The following NRK variants were observed in gnomAD, a reference collection of about 807,000 sequenced individuals.
NRK encodes the protein nik-related protein kinase.
Under a neutral mutation model 125.2 loss-of-function variants are expected in NRK, and 67 were observed. The ratio of observed to expected loss-of-function variants is 0.54; its 90% CI spans 0.44 to 0.66. NRK has a LOEUF of 0.66. Among genes scored for constraint, NRK ranks in the 30% least tolerant of loss-of-function variants. The pLI is 0.00. For synonymous variants in NRK, 458 were observed against 429.0 expected (o/e 1.07, Z -0.84); for missense variants, 1,224 against 1,192.9 (o/e 1.03, Z -0.38).
At chrX:105,831,567 G>T (rs1238544266) in intron 2 of NRK, among the ~76,000 whole-genome samples, 2 of 111,886 alleles carry the variant, frequency 1.8e-5, no homozygotes, top group Non-Finnish European at 3.8e-5. Flanking sequence ...AATCTAACAA[G>T]AAAAAATCTG....
At chrX:105,920,115 T>A (rs1175216646) in intron 16 of NRK, among the ~76,000 whole-genome samples, 1 of 104,669 alleles carries the variant, frequency 9.6e-6, no homozygotes, top group African/African-American at 3.6e-5. Flanking sequence ...TACATATGGC[T>A]AGCCAGTTTT....
In NRK at chrX:105,924,794, T is replaced by C. The variant is rs755131827; in HGVS notation, c.3075T>C (p.Asn1025=). 1.7e-6 allele frequency: 2 copies of C among 1,209,507 alleles called. No homozygotes were observed. Among genetic ancestry groups the C allele is most frequent in the Non-Finnish European group, 2.2e-6 (2 of 894,326 alleles). Residue 1025 remains asparagine, a synonymous_variant, in exon 19 of 29, where the codon AAT becomes AAC. Coordinates refer to ENST00000243300, the MANE Select transcript of NRK (RefSeq NM_198465.4). ...AYRGYGSHTA[N]RSHGGSAASE... ...GAGGCTATGGAAGCCATACAGCCAATAGAAGCCATGGAGGAAGTGCAGCCA... is the reference window on the plus strand; with the variant it reads ...GAGGCTATGGAAGCCATACAGCCAACAGAAGCCATGGAGGAAGTGCAGCCA...
At chrX:105,826,038 G>GTCTC (rs200199183) in intron 1 of NRK, among the ~76,000 whole-genome samples, 23 of 93,480 alleles carry the variant, frequency 2.5e-4, no homozygotes, top group African/African-American at 7.9e-4. Context: ...CTCTGTCTCC[G>GTCTC]TCTCTCTCTC....
chrX:105,907,814 T>C (rs1160815283), intron 11 of NRK: 1 of 113,018 alleles, frequency 8.8e-6, no homozygotes, highest in Non-Finnish European at 1.9e-5. Context: ...GTGTTTAGTG[T>C]AAAACACAGA....
intron 2 of NRK, among the ~76,000 whole-genome samples, chrX:105,834,432 A>T (rs752660401): frequency 1.8e-5 from 2 of 108,824 alleles, no homozygotes; most frequent in Non-Finnish European, 3.8e-5. Context: ...TTAAATATGA[A>T]ATGTCTGGAG....
chrX:105,879,848 A>G (rs769500764), intron 2 of NRK, among the ~76,000 whole-genome samples: 22 of 110,878 alleles, frequency 2.0e-4, no homozygotes, highest in Non-Finnish European at 4.0e-4. Flanking sequence ...ATTAAATGAA[A>G]ATTTTCATTT....
chrX:105,911,288 C>A (rs750880120), intron 13 of NRK, among the ~76,000 whole-genome samples: 1 of 111,646 alleles, frequency 9.0e-6, no homozygotes, highest in African/African-American at 3.3e-5. Flanking sequence ...CTGGTGGATT[C>A]TAAACTGATA....
chrX:105,866,394 A>C (rs762806447), intron 2 of NRK, among the ~76,000 whole-genome samples: 1 of 111,289 alleles, frequency 9.0e-6, no homozygotes, highest in South Asian at 3.7e-4. Flanking sequence ...CAAGAGTTAG[A>C]GAATAAACTA....
chrX:105,927,356 C>T lies in NRK; in HGVS notation c.3312+2325C>T, dbSNP rs761357816. Among the ~76,000 whole-genome samples, 3 of 111,334 alleles carry T rather than the reference C, an allele frequency of 2.7e-5. No homozygotes were observed. The East Asian group carries it at 8.5e-4, about 31-fold the overall frequency. ...ATCTTGCAACTTTACTGAATTTGTT[C>T]ATCAATTCTAAGAATTTTTTGGTAG... On this transcript the variant is annotated intron_variant, in intron 19 of 28. Transcript: ENST00000243300.
chrX:105,955,188 G>A (rs766089495), intron 28 of NRK, among the ~76,000 whole-genome samples: 12 of 111,309 alleles, frequency 1.1e-4, no homozygotes, highest in Non-Finnish European at 1.5e-4. Context: ...GTAGATTATT[G>A]TTTTAAAAAG....
Position 105,923,318 on chromosome X carries a change from G to A in NRK, c.2811G>A (p.Glu937=). 2.5e-6 allele frequency: 3 copies of A among 1,190,420 alleles called. No homozygotes were observed. The highest frequency in any genetic ancestry group is 3.4e-6 in the Non-Finnish European group (3 of 881,291). The change falls in exon 18 of 29, where the codon GAG becomes GAA. Residue 937 remains glutamate (E), a synonymous_variant. Transcript: ENST00000243300. The part of the protein sequence containing the change: ...SADTDGDDDD[E]SNDTFEDTYD... ...ATACTGATGGTGATGATGATGATGA[G>A]TCTAATGATACTTTTGAAGATACCT...
Position 105,927,254 on chromosome X carries a change from T to C in NRK, c.3312+2223T>C, listed in dbSNP as rs199945011. 8.1e-5 allele frequency among the ~76,000 whole-genome samples: 9 copies of C among 111,368 alleles called. No individual in the cohort carries two copies. The East Asian group carries it at 2.5e-3, about 31-fold the overall frequency. Reference sequence around the variant, plus strand: ...ATTTTGTAGCTACTGTATATGGGATTGTTTTTGTGATTTCTTTCTCAGCTA... The same window carrying C: ...ATTTTGTAGCTACTGTATATGGGATCGTTTTTGTGATTTCTTTCTCAGCTA... On this transcript the variant is annotated intron_variant, in intron 19 of 28. Transcript: ENST00000243300.
chrX:105,826,967 G>A (rs975675633), intron 1 of NRK, among the ~76,000 whole-genome samples: 12 of 111,493 alleles, frequency 1.1e-4, no homozygotes, highest in Non-Finnish European at 2.3e-4. Context: ...CAAAAATCAA[G>A]AATAATTTGG....
At chrX:105,917,432 G>A (rs1487347293) in intron 15 of NRK, 146 bp from the exon 16 acceptor site, 3 of 318,344 alleles carry the variant, frequency 9.4e-6, no homozygotes, top group Non-Finnish European at 1.6e-5. Context: ...ATGGAAACTG[G>A]AAATTATTAC....
intron 2 of NRK, among the ~76,000 whole-genome samples, chrX:105,867,748 T>C (rs891972243): frequency 2.7e-5 from 3 of 111,911 alleles, no homozygotes; most frequent in African/African-American, 9.7e-5. Context: ...ATAGCAGTAA[T>C]TTATGGCAAT....
chrX:105,922,826 C>T (rs948169372), intron 17 of NRK, among the ~76,000 whole-genome samples: 10 of 111,017 alleles, frequency 9.0e-5, no homozygotes, highest in Non-Finnish European at 1.9e-4. Flanking sequence ...CATCAAATCT[C>T]CTGTTCTCTC....
chrX:105,833,915 A>G (rs2039227716), intron 2 of NRK, among the ~76,000 whole-genome samples: 1 of 111,645 alleles, frequency 9.0e-6, no homozygotes, highest in South Asian at 3.7e-4. Flanking sequence ...GCTTTTACAT[A>G]TGCTACAAAC....
At chrX:105,934,952 G>A (rs951121242) in intron 20 of NRK, among the ~76,000 whole-genome samples, 5 of 111,761 alleles carry the variant, frequency 4.5e-5, no homozygotes, top group African/African-American at 1.6e-4. Flanking sequence ...GGGATTACAG[G>A]TGTGAGCCAC....
At position 105,822,857 on chromosome X, in the gene NRK, TG is replaced by T; in HGVS notation, c.17del (p.Gly6AlafsTer22). On this transcript the variant is annotated frameshift_variant, in exon 1 of 29. Transcript: ENST00000243300. LOFTEE classifies it high-confidence loss of function. The part of the protein sequence containing the change: MAGP[G>X]GWRDREVTDL... ...GGCTCCTCGAAGCCATGGCGGGACC[TG>T]GGGGCTGGAGGGACAGGGAGGTCAC... is the stretch of plus-strand genomic sequence containing the variant. The T allele has an allele frequency of 8.5e-7, 1 of 1,171,709 alleles. No individual in the cohort carries two copies. Among genetic ancestry groups the T allele is most frequent in the Non-Finnish European group, 1.1e-6 (1 of 874,585 alleles).
Sources: gnomAD v4.1 joint callset for allele counts (sites outside exome capture counted in the v4.1 genomes callset) on GRCh38, gnomAD v4.1.1 for gene constraint, MANE v1.5 for transcripts, NCBI Gene and HGNC (gene_info 2026-07-23, HGNC 2026-07-21) for gene names.